The following VCAM1 variants were observed in gnomAD, a reference collection of about 807,000 sequenced individuals.
The protein encoded by VCAM1 is vascular cell adhesion protein 1.
Under a neutral mutation model 63.8 loss-of-function variants are expected in VCAM1, and 41 were observed. The ratio of observed to expected loss-of-function variants is 0.64; its 90% CI spans 0.50 to 0.83. The LOEUF is 0.83. Among genes scored for constraint, VCAM1 ranks in the 40% least tolerant of loss-of-function variants. The pLI is 0.00. For synonymous variants in VCAM1, 338 were observed against 320.7 expected (o/e 1.05, Z -0.58); for missense variants, 798 against 875.5 (o/e 0.91, Z 1.12).
rs766568545 is a variant in VCAM1 at position 100,738,129 on chromosome 1, A to C, written c.2066A>C (p.Glu689Ala). Residue 689 changes from glutamate (E) to alanine (A), a missense_variant, in exon 9 of 9, where the codon GAA becomes GCA. Transcript: ENST00000294728. Reference protein sequence around the residue: ...RSLTLDVQGRENNKDYFSPEL... With the variant: ...RSLTLDVQGRANNKDYFSPEL... ...CCATTTTGTTATTTTCCAGGAAGAG[A>C]AAACAACAAAGACTATTTTTCTCCT... 3 of 1,612,366 alleles carry C rather than the reference A, an allele frequency of 1.9e-6. No individual in the cohort carries two copies. The highest frequency in any genetic ancestry group is 2.5e-6 in the Non-Finnish European group (3 of 1,179,354).
Position 100,729,223 on chromosome 1 carries a change from A to T in VCAM1, c.1045A>T (p.Thr349Ser), listed in dbSNP as rs1181280155. 1 of 1,613,444 alleles carries T rather than the reference A, an allele frequency of 6.2e-7. No individual in the cohort carries two copies. The highest frequency in any genetic ancestry group is 1.3e-5 in the African/African-American group (1 of 74,866). The change falls in exon 5 of 9, where the codon ACC becomes TCC. Residue 349 changes from threonine to serine, a missense_variant. Coordinates refer to ENST00000294728, the MANE Select transcript of VCAM1 (RefSeq NM_001078.4). Reference protein sequence around the residue: ...GCESPSFSWRTQIDSPLSGKV... With the variant: ...GCESPSFSWRSQIDSPLSGKV... ...TGAATCCCCATCTTTCTCCTGGAGAACCCAGATAGACAGCCCTCTGAGCGG... is the reference window on the plus strand; with the variant it reads ...TGAATCCCCATCTTTCTCCTGGAGATCCCAGATAGACAGCCCTCTGAGCGG...
chr1:100,736,470 A>G (rs1182560699), intron 8 of VCAM1: 1 of 152,174 alleles, frequency 6.6e-6, no homozygotes, highest in Non-Finnish European at 1.5e-5. Flanking sequence ...CAGTGTTTAT[A>G]TGACAAATAG....
At chr1:100,734,850 A>C (rs1212439204) in intron 8 of VCAM1, 82 bp downstream of exon 8, 1 of 1,490,990 alleles carries the variant, frequency 6.7e-7, no homozygotes, top group Non-Finnish European at 9.0e-7. Context: ...TATTTGATGA[A>C]TGAGTTGGCA....
Position 100,732,493 on chromosome 1 carries a change from G to A in VCAM1, c.1601G>A (p.Cys534Tyr). The A allele has an allele frequency of 6.2e-7, 1 of 1,613,066 alleles. No individual in the cohort carries two copies. Among genetic ancestry groups the A allele is most frequent in the Non-Finnish European group, 8.5e-7 (1 of 1,179,568 alleles). The change falls in exon 7 of 9, where the codon TGC becomes TAC. Residue 534 changes from cysteine to tyrosine, a missense_variant. Cys to Tyr is a radical substitution (Grantham distance 194). Transcript: ENST00000294728. ...LEEGSSVNMTCLSQGFPAPKI... is the reference protein window; with the variant it reads ...LEEGSSVNMTYLSQGFPAPKI... ...GAAGGCAGTTCTGTGAATATGACAT[G>A]CTTGAGCCAGGGCTTTCCTGCTCCG...
chr1:100,726,188 A>G (rs1479188903), intron 4 of VCAM1, among the ~76,000 whole-genome samples: 1 of 152,038 alleles, frequency 6.6e-6, no homozygotes, highest in African/African-American at 2.4e-5. Flanking sequence ...CACTTAGCAT[A>G]GTGTCCTCTG....
Position 100,719,803 on chromosome 1 carries a change from G to T in VCAM1, c.-58G>T. Reference sequence around the variant, plus strand: ...TGAATACCCTCCCAGGCACACACAGGTGGGACACAAATAAGGGTTTTGGAA... The same window carrying T: ...TGAATACCCTCCCAGGCACACACAGTTGGGACACAAATAAGGGTTTTGGAA... On this transcript the variant is annotated 5_prime_UTR_variant, in exon 1 of 9. Transcript: ENST00000294728. 6.3e-7 allele frequency: 1 copy of T among 1,583,324 alleles called. No homozygotes were observed. The highest frequency in any genetic ancestry group is 1.1e-5 in the South Asian group (1 of 88,690).
At chr1:100,724,999 T>C in intron 4 of VCAM1, 109 bp downstream of exon 4, 2 of 1,364,626 alleles carry the variant, frequency 1.5e-6, no homozygotes, top group Admixed American at 2.2e-5. Flanking sequence ...ACTGATGACC[T>C]ATCTGATTGC....
At chr1:100,733,287 C>T (rs541262477) in intron 7 of VCAM1, among the ~76,000 whole-genome samples, 9 of 152,270 alleles carry the variant, frequency 5.9e-5, no homozygotes, top group East Asian at 1.9e-4. Context: ...TGAAGCCATA[C>T]GGAGTTATGA....
chr1:100,723,348 C>T lies in VCAM1; in HGVS notation c.661+8C>T. On this transcript the variant is annotated splice_region_variant and intron_variant, in intron 3 of 8. Coordinates refer to ENST00000294728, the MANE Select transcript of VCAM1 (RefSeq NM_001078.4). Reference sequence around the variant, plus strand: ...AAGAATTGCAAGTCTACAGTAAGTACTTGTGCGATGTGTTCCAGTCTTTGT... The same window carrying T: ...AAGAATTGCAAGTCTACAGTAAGTATTTGTGCGATGTGTTCCAGTCTTTGT... 1 of 1,609,262 alleles carries T rather than the reference C, an allele frequency of 6.2e-7. No homozygotes were observed. Among genetic ancestry groups the T allele is most frequent in the Non-Finnish European group, 8.5e-7 (1 of 1,176,956 alleles).
rs374878472 is a variant in VCAM1, at chr1:100,734,278, A to G, written c.1793-224A>G. ...TGTGCTAGGCTGGGTAAATAATTAT[A>G]TTAAGGAACATGAAAGAAGCATAAG... is the stretch of plus-strand genomic sequence containing the variant. On this transcript the variant is annotated intron_variant, in intron 7 of 8. Coordinates refer to ENST00000294728, the MANE Select transcript of VCAM1 (RefSeq NM_001078.4). Among the ~76,000 whole-genome samples the G allele has an allele frequency of 4.6e-5, 7 of 152,306 alleles. No homozygotes were observed. The East Asian group carries it at 1.4e-3, about 29-fold the overall frequency.
intron 2 of VCAM1, among the ~76,000 whole-genome samples, chr1:100,722,549 A>G (rs1259708559): frequency 6.6e-6 from 1 of 152,078 alleles, no homozygotes; most frequent in African/African-American, 2.4e-5. Flanking sequence ...GCAAAACACA[A>G]TAATGGAAAT....
intron 8 of VCAM1, chr1:100,737,909 A>G (rs1344638525): frequency 5.1e-6 from 2 of 391,098 alleles, no homozygotes; most frequent in Non-Finnish European, 9.1e-6. Context: ...AACAACTATC[A>G]TCTTTAGATC....
At chr1:100,726,162 T>C (rs530158441) in intron 4 of VCAM1, among the ~76,000 whole-genome samples, 24 of 152,202 alleles carry the variant, frequency 1.6e-4, no homozygotes, top group African/African-American at 5.8e-4. Flanking sequence ...CTGGCTTCTC[T>C]GTGCCTGGCT....
rs1660457329 is a variant in VCAM1, at chr1:100,731,535, G to C, written c.1525+17G>C. On this transcript the variant is annotated intron_variant, in intron 6 of 8. Transcript: ENST00000294728. The surrounding 1 kb of genome is among the most constrained non-coding windows in gnomAD (Gnocchi z 4.2). ...ATGTCAATGGTAAGTACATATGTGA[G>C]GTATCTACAGTTTAATACCTGTCTC... 1.2e-6 allele frequency: 2 copies of C among 1,600,290 alleles called. No homozygotes were observed. The highest frequency in any genetic ancestry group is 1.7e-6 in the Non-Finnish European group (2 of 1,172,442).
rs1660094577 is a variant in VCAM1, at chr1:100,724,624, T to C, written c.662T>C (p.Ile221Thr). The change falls in exon 4 of 9, where the codon ATA becomes ACA. Residue 221 changes from isoleucine to threonine, a missense_variant and splice_region_variant. Transcript: ENST00000294728. ...CTAATATTATTTTTTGCCCTTTCAGTATCACCCAAGAATACAGTTATTTCT... is the reference window on the plus strand; with the variant it reads ...CTAATATTATTTTTTGCCCTTTCAGCATCACCCAAGAATACAGTTATTTCT... The part of the protein sequence containing the change: ...RQAVKELQVY[I>T]SPKNTVISVN... 1.9e-6 allele frequency: 3 copies of C among 1,610,306 alleles called. No homozygotes were observed. Among genetic ancestry groups the C allele is most frequent in the Non-Finnish European group, 2.5e-6 (3 of 1,177,396 alleles).
Position 100,724,828 on chromosome 1 carries a change from A to G in VCAM1, c.866A>G (p.Tyr289Cys), listed in dbSNP as rs1034074349. Residue 289 changes from tyrosine to cysteine, a missense_variant, in exon 4 of 9, where the codon TAT becomes TGT. Transcript: ENST00000294728. ...ATGAGGATGGAAGATTCTGGAATTTATGTGTGTGAAGGAGTTAATTTGATT... is the reference window on the plus strand; with the variant it reads ...ATGAGGATGGAAGATTCTGGAATTTGTGTGTGTGAAGGAGTTAATTTGATT... Reference protein sequence around the residue: ...IAMRMEDSGIYVCEGVNLIGK... With the variant: ...IAMRMEDSGICVCEGVNLIGK... 2 of 1,612,980 alleles carry G rather than the reference A, an allele frequency of 1.2e-6. No individual in the cohort carries two copies. The highest frequency in any genetic ancestry group is 3.3e-5 in the Admixed American group (2 of 59,858).
chr1:100,731,500 C>T lies in VCAM1; in HGVS notation c.1507C>T (p.Gln503Ter). 6.2e-7 allele frequency: 1 copy of T among 1,612,928 alleles called. No homozygotes were observed. Among genetic ancestry groups the T allele is most frequent in the South Asian group, 1.1e-5 (1 of 91,000 alleles). The change falls in exon 6 of 9, where the codon CAA (glutamine) becomes TAA (stop). Residue 503 changes from glutamine (Q) to a stop codon, truncating the protein, a stop_gained. Coordinates refer to ENST00000294728, the MANE Select transcript of VCAM1 (RefSeq NM_001078.4). LOFTEE classifies it high-confidence loss of function. This position sits in a 1 kb window ranked among gnomAD's most constrained non-coding sequence, Gnocchi z 4.2. ...EFEPKQRQST[Q>*]TLYVNVAPRD... ...CGAACCCAAACAAAGGCAGAGTACG[C>T]AAACACTTTATGTCAATGGTAAGTA...
intron 6 of VCAM1, among the ~76,000 whole-genome samples, 173 bp from the exon 7 acceptor site, chr1:100,732,245 A>G (rs1043033581): frequency 3.9e-5 from 6 of 152,172 alleles, no homozygotes; most frequent in Non-Finnish European, 7.4e-5. Flanking sequence ...GTTCTACTCT[A>G]TCATTTGGTA....
At chr1:100,723,480 G>A (rs1051144606) in intron 3 of VCAM1, 140 bp downstream of exon 3, 19 of 903,502 alleles carry the variant, frequency 2.1e-5, no homozygotes, top group Non-Finnish European at 2.9e-5. Flanking sequence ...ACAACATAAT[G>A]TTTGTCAATA....
Sources: allele counts gnomAD v4.1 joint callset (sites outside exome capture counted in the v4.1 genomes callset), GRCh38; gene constraint gnomAD v4.1.1; non-coding constraint Gnocchi (gnomAD v3.1); transcripts MANE v1.5; gene names NCBI Gene and HGNC (gene_info 2026-07-23, HGNC 2026-07-21).